Variants in RIMKLA observed in about 807,000 individuals in gnomAD.
The protein encoded by RIMKLA is ribosomal modification protein rimK like family member A.
A neutral mutation model predicts 32.7 loss-of-function variants in RIMKLA; 14 were observed. The ratio of observed to expected loss-of-function variants is 0.43; its 90% CI spans 0.28 to 0.67. The LOEUF is 0.67. Ranked by LOEUF, RIMKLA falls within the 30% of genes least tolerant of loss-of-function variation. RIMKLA has a pLI of 0.18. For missense variants in RIMKLA, 410 were observed against 519.0 expected (o/e 0.79, Z 2.04); for synonymous variants, 176 against 204.1 (o/e 0.86, Z 1.18).
At chr1:42,383,295 C>G (rs997867904) in intron 1 of RIMKLA, among the ~76,000 whole-genome samples, 1 of 152,130 alleles carries the variant, frequency 6.6e-6, no homozygotes, top group South Asian at 2.1e-4. Context: ...TCCGAGGTAG[C>G]CTACACAAAT....
chr1:42,406,359 G>C lies in RIMKLA; in HGVS notation c.481+1762G>C, dbSNP rs552366672. On this transcript the variant is annotated intron_variant, in intron 3 of 4. Coordinates refer to ENST00000431473, the MANE Select transcript of RIMKLA (RefSeq NM_173642.4). ...ACCCCCAAAAGAAGCCTCATACCTA[G>C]TAGTAGTTAGTCCCGATTGCCTCTC... is the stretch of plus-strand genomic sequence containing the variant. Among the ~76,000 whole-genome samples the C allele has an allele frequency of 2.6e-5, 4 of 152,220 alleles. No homozygotes were observed. In the East Asian group the frequency reaches 7.7e-4, roughly 29 times the overall value.
intron 3 of RIMKLA, among the ~76,000 whole-genome samples, chr1:42,408,644 C>T (rs1029915491): frequency 2.0e-5 from 3 of 152,028 alleles, no homozygotes; most frequent in Admixed American, 2.0e-4. Context: ...TGGTCTTAAA[C>T]TCCTGACCTG....
At chr1:42,386,337 C>A (rs1340076922) in intron 1 of RIMKLA, among the ~76,000 whole-genome samples, 1 of 151,994 alleles carries the variant, frequency 6.6e-6, no homozygotes, top group Non-Finnish European at 1.5e-5. Context: ...TTTGTGTCAT[C>A]TCCACCCATC....
chr1:42,383,447 A>G (rs1042996642), intron 1 of RIMKLA, among the ~76,000 whole-genome samples: 8 of 152,374 alleles, frequency 5.3e-5, no homozygotes, highest in Middle Eastern at 3.4e-3. Context: ...TGGCCAGAAT[A>G]GTGCCTTGCA....
intron 4 of RIMKLA, among the ~76,000 whole-genome samples, chr1:42,414,233 CT>C (rs1643226253): frequency 8.0e-6 from 1 of 124,250 alleles, no homozygotes; most frequent in Non-Finnish European, 1.9e-5. Flanking sequence ...GTGCATAAAG[CT>C]TTTTTTCCCC....
Position 42,380,830 on chromosome 1 carries a change from G to A in RIMKLA, c.-105G>A. The A allele has an allele frequency of 1.6e-6, 1 of 623,774 alleles. No homozygotes were observed. Among genetic ancestry groups the A allele is most frequent in the Non-Finnish European group, 2.1e-6 (1 of 478,642 alleles). The allele number at this position is 623,774 out of a possible 1,614,324, so 38.6% of individuals were successfully genotyped here. Reference sequence around the variant, plus strand: ...GCGCACCCGCGGGAGCGGAGCCGTGGCGCGCTCGCCCCGGACGCCGGCCGC... The same window carrying A: ...GCGCACCCGCGGGAGCGGAGCCGTGACGCGCTCGCCCCGGACGCCGGCCGC... On this transcript the variant is annotated 5_prime_UTR_variant, in exon 1 of 5. Coordinates refer to ENST00000431473, the MANE Select transcript of RIMKLA (RefSeq NM_173642.4).
rs1235239038 is a variant in RIMKLA, at chr1:42,399,520, C to A, written c.280C>A (p.Leu94Met). The A allele has an allele frequency of 6.2e-7, 1 of 1,613,526 alleles. No homozygotes were observed. The highest frequency in any genetic ancestry group is 8.5e-7 in the Non-Finnish European group (1 of 1,179,800). Reference sequence around the variant, plus strand: ...CACTGTCCTGCGACACCTGGAGAAGCTGGGCTGCCGGTTGGTCAATCGCCC... The same window carrying A: ...CACTGTCCTGCGACACCTGGAGAAGATGGGCTGCCGGTTGGTCAATCGCCC... ...DITVLRHLEK[L>M]GCRLVNRPQS... is the part of the protein sequence containing the mutation. The change falls in exon 2 of 5, where the codon CTG becomes ATG. Residue 94 changes from leucine to methionine, a missense_variant. Transcript: ENST00000431473.
intron 3 of RIMKLA, 105 bp from the exon 4 acceptor site, chr1:42,409,879 C>A: frequency 2.3e-6 from 2 of 855,798 alleles, no homozygotes; most frequent in Non-Finnish European, 3.8e-6. Flanking sequence ...CAAAGTGAGG[C>A]AAGTTTAGAA....
intron 4 of RIMKLA, among the ~76,000 whole-genome samples, chr1:42,411,603 G>C (rs1319718715): frequency 2.0e-5 from 3 of 151,280 alleles, no homozygotes; most frequent in Non-Finnish European, 4.4e-5. Flanking sequence ...TGGGATTATA[G>C]GTGTGTACCA....
chr1:42,414,355 C>T (rs952604464), intron 4 of RIMKLA, 129 bp from the exon 5 acceptor site: 1 of 962,274 alleles, frequency 1.0e-6, no homozygotes, highest in African/African-American at 1.6e-5. Flanking sequence ...TACTGATTTC[C>T]ATCCAGACCT....
At chr1:42,400,822 A>G (rs185658979) in intron 2 of RIMKLA, among the ~76,000 whole-genome samples, 7 of 152,250 alleles carry the variant, frequency 4.6e-5, no homozygotes, top group Admixed American at 4.6e-4. Context: ...GGAGCTGGAA[A>G]CCTTCATTAT....
Position 42,421,531 on chromosome 1 carries a change from C to T in RIMKLA, c.*6557C>T, listed in dbSNP as rs926119392. 2 of 152,240 alleles carry T rather than the reference C, an allele frequency of 1.3e-5. No individual in the cohort carries two copies. Among genetic ancestry groups the T allele is most frequent in the Admixed American group, 6.5e-5 (1 of 15,274 alleles). 9.4% of individuals were successfully genotyped at this position (152,240 alleles called of 1,614,324 possible). A position where few individuals can be genotyped will look rare whatever the true frequency, so the allele number is the denominator to read the frequency against. ...CCTGGGCCTATCCGGAGTGGGACTC[C>T]CGTAATCTCCTATTTAGAAGGAACA... is the stretch of plus-strand genomic sequence containing the variant. On this transcript the variant is annotated 3_prime_UTR_variant, in exon 5 of 5. Coordinates refer to ENST00000431473, the MANE Select transcript of RIMKLA (RefSeq NM_173642.4). The surrounding 1 kb of genome is among the most constrained non-coding windows in gnomAD (Gnocchi z 4.6).
Position 42,405,490 on chromosome 1 carries a change from G to A in RIMKLA, c.481+893G>A, listed in dbSNP as rs192160575. 5.9e-5 allele frequency among the ~76,000 whole-genome samples: 9 copies of A among 152,216 alleles called. No individual in the cohort carries two copies. In the South Asian group the frequency reaches 1.0e-3, roughly 18 times the overall value. On this transcript the variant is annotated intron_variant, in intron 3 of 4. Coordinates refer to ENST00000431473, the MANE Select transcript of RIMKLA (RefSeq NM_173642.4). ...GCAGTATATGAGCAGGTGCCTCATC[G>A]GGATACCCAGGTGGCATGCTTAAAC...
intron 1 of RIMKLA, among the ~76,000 whole-genome samples, chr1:42,387,097 C>A (rs1043741476): frequency 6.7e-6 from 1 of 149,064 alleles, no homozygotes; most frequent in South Asian, 2.1e-4. Context: ...AAATATTAGC[C>A]AGGCATGGTG....
At position 42,418,545 on chromosome 1, in the gene RIMKLA, G is replaced by GA. The variant is rs1183434202; in HGVS notation, c.*3577dup. On this transcript the variant is annotated 3_prime_UTR_variant, in exon 5 of 5. Transcript: ENST00000431473. ...GATTTGGAATTCTAGTAGGAAGGAG[G>GA]AAAAAATGGCTCTTCTGTGGGCTGT... 1 of 151,962 alleles carries GA rather than the reference G, an allele frequency of 6.6e-6. No individual in the cohort carries two copies. Among genetic ancestry groups the GA allele is most frequent in the Non-Finnish European group, 1.5e-5 (1 of 67,962 alleles). 9.4% of individuals were successfully genotyped at this position (151,962 alleles called of 1,614,324 possible).
At chr1:42,390,928 A>G (rs1642994930) in intron 1 of RIMKLA, among the ~76,000 whole-genome samples, 1 of 152,160 alleles carries the variant, frequency 6.6e-6, no homozygotes, top group East Asian at 1.9e-4. Context: ...GGAAGTGATC[A>G]TGGTGCTTGA....
rs1643235389 is a variant in RIMKLA at position 42,415,168 on chromosome 1, A to ATT, written c.*194_*195insTT. The stretch of plus-strand genomic sequence containing the variant: ...TTTTTACAAAGACAAATATAAAAAC[A>ATT]CTCAAGAACAACGTCCCGACTGATC... On this transcript the variant is annotated 3_prime_UTR_variant, in exon 5 of 5. Transcript: ENST00000431473. 1.8e-6 allele frequency: 1 copy of ATT among 547,812 alleles called. No individual in the cohort carries two copies. Among genetic ancestry groups the ATT allele is most frequent in the Non-Finnish European group, 3.1e-6 (1 of 322,030 alleles). 33.9% of individuals were successfully genotyped at this position (547,812 alleles called of 1,614,324 possible). A position where few individuals can be genotyped will look rare whatever the true frequency, so the allele number is the denominator to read the frequency against.
Position 42,416,059 on chromosome 1 carries a change from T to G in RIMKLA, c.*1085T>G, listed in dbSNP as rs13374601. ...CTTTTCCAAACGGGGAAGACTCAGGTATCAGGAATTACCCATTGCACATTT... is the reference window on the plus strand; with the variant it reads ...CTTTTCCAAACGGGGAAGACTCAGGGATCAGGAATTACCCATTGCACATTT... On this transcript the variant is annotated 3_prime_UTR_variant, in exon 5 of 5. Transcript: ENST00000431473. The G allele has an allele frequency of 3.3e-3, 434 of 131,668 alleles. 2 individuals carry two copies. Among genetic ancestry groups the G allele is most frequent in the African/African-American group, 0.011 (416 of 36,396 alleles). 8.2% of individuals were successfully genotyped at this position (131,668 alleles called of 1,614,324 possible).
chr1:42,380,839 C>T lies in RIMKLA; in HGVS notation c.-96C>T. 3.9e-6 allele frequency: 3 copies of T among 768,902 alleles called. No individual in the cohort carries two copies. Among genetic ancestry groups the T allele is most frequent in the South Asian group, 1.2e-4 (2 of 16,574 alleles). 47.6% of individuals were successfully genotyped at this position (768,902 alleles called of 1,614,324 possible). On this transcript the variant is annotated 5_prime_UTR_variant, in exon 1 of 5. Transcript: ENST00000431473. ...CGGGAGCGGAGCCGTGGCGCGCTCG[C>T]CCCGGACGCCGGCCGCCCCTCCGCT...
Sources: allele counts gnomAD v4.1 joint callset (sites outside exome capture counted in the v4.1 genomes callset), GRCh38; gene constraint gnomAD v4.1.1; non-coding constraint Gnocchi (gnomAD v3.1); transcripts MANE v1.5; gene names NCBI Gene and HGNC (gene_info 2026-07-23, HGNC 2026-07-21).